TIAM1: variants seen among roughly 807,000 people sequenced by gnomAD.
The protein encoded by TIAM1 is TIAM Rac1 associated GEF 1, also known as rho guanine nucleotide exchange factor TIAM1.
In TIAM1, 65 loss-of-function variants were observed where a neutral mutation model predicts 163.5. That is an observed-to-expected ratio of 0.40 (90% CI 0.33 to 0.49). The LOEUF (loss-of-function observed/expected upper bound fraction) is 0.49. TIAM1 is among the 20% of genes least tolerant of loss of function. TIAM1 has a pLI of 0.77. For missense variants in TIAM1, 1,789 were observed against 2,044.7 expected (o/e 0.87, Z 2.41); for synonymous variants, 833 against 810.1 (o/e 1.03, Z -0.48).
At chr21:31,438,716 A>T (rs1448122819) in intron 2 of TIAM1, among the ~76,000 whole-genome samples, 1 of 152,172 alleles carries the variant, frequency 6.6e-6, no homozygotes, top group African/African-American at 2.4e-5. Context: ...AAAGGTCAAA[A>T]GTCTCTGTCT....
chr21:31,127,829 T>A (rs1309591818), intron 25 of TIAM1, among the ~76,000 whole-genome samples: 1 of 152,176 alleles, frequency 6.6e-6, no homozygotes, highest in African/African-American at 2.4e-5. Context: ...CCTATGCAGA[T>A]TTCATCCGGC....
chr21:31,127,696 G>A (rs151211616), intron 25 of TIAM1, among the ~76,000 whole-genome samples: 2 of 152,124 alleles, frequency 1.3e-5, no homozygotes, highest in Admixed American at 6.5e-5. Flanking sequence ...GATTACAAGC[G>A]TGAGCCACCG....
intron 2 of TIAM1, among the ~76,000 whole-genome samples, chr21:31,394,724 T>TCACACA (rs1275006631): frequency 7.8e-6 from 1 of 128,796 alleles, no homozygotes; most frequent in Non-Finnish European, 1.6e-5. Flanking sequence ...TCTCTCTCTC[T>TCACACA]CTCTCACACA....
intron 2 of TIAM1, among the ~76,000 whole-genome samples, chr21:31,350,552 C>T (rs1273244392): frequency 1.3e-5 from 2 of 152,108 alleles, no homozygotes; most frequent in African/African-American, 2.4e-5. Context: ...GTGCTGTTCT[C>T]GTGATAGTGA....
chr21:31,456,987 CT>C (rs1342670801), intron 2 of TIAM1, among the ~76,000 whole-genome samples: 2 of 152,214 alleles, frequency 1.3e-5, no homozygotes, highest in African/African-American at 4.8e-5. Context: ...CAGATTCCTT[CT>C]ATTTCTTTTC....
At chr21:31,326,943 G>A (rs1032394828) in intron 2 of TIAM1, among the ~76,000 whole-genome samples, 1 of 152,192 alleles carries the variant, frequency 6.6e-6, no homozygotes, top group African/African-American at 2.4e-5. Context: ...CAGGCTAACA[G>A]GGTCATATGC....
chr21:31,135,750 G>A (rs2082595988), intron 23 of TIAM1, among the ~76,000 whole-genome samples, 183 bp downstream of exon 23: 1 of 152,192 alleles, frequency 6.6e-6, no homozygotes, highest in African/African-American at 2.4e-5. Context: ...ACCACATAGG[G>A]CAATTTAACT....
chr21:31,220,813 C>T (rs375796655), intron 8 of TIAM1, among the ~76,000 whole-genome samples: 18 of 152,344 alleles, frequency 1.2e-4, no homozygotes, highest in African/African-American at 3.8e-4. Flanking sequence ...TTTGCCCAGA[C>T]AATGCCTCCC....
At chr21:31,275,445 C>T (rs2073255737) in intron 3 of TIAM1, among the ~76,000 whole-genome samples, 1 of 152,142 alleles carries the variant, frequency 6.6e-6, no homozygotes, top group African/African-American at 2.4e-5. Flanking sequence ...AACTCTAAAA[C>T]AGATGGCCTG....
At chr21:31,260,703 A>G (rs2072416466) in intron 4 of TIAM1, among the ~76,000 whole-genome samples, 1 of 151,498 alleles carries the variant, frequency 6.6e-6, no homozygotes, top group Non-Finnish European at 1.5e-5. Context: ...GAGAAAAGAA[A>G]AAAAAAAAAG....
chr21:31,252,019 C>T lies in TIAM1; in HGVS notation c.1134G>A (p.Ala378=), dbSNP rs374340137. Residue 378 remains alanine (A), a synonymous_variant, in exon 5 of 28, where the codon GCG becomes GCA. Coordinates refer to ENST00000541036, the MANE Select transcript of TIAM1 (RefSeq NM_001353694.2). ...SDSGSSSTGD[A]ARQGVYENFR... ...AGTTCTCGTACACCCCCTGACGAGC[C>T]GCATCCCCGGTGGAGCTGCTGCCGC... 9.3e-6 allele frequency: 15 copies of T among 1,613,938 alleles called. No individual in the cohort carries two copies. Among genetic ancestry groups the T allele is most frequent in the African/African-American group, 8.0e-5 (6 of 74,928 alleles).
At chr21:31,449,105 C>T (rs1383351053) in intron 2 of TIAM1, among the ~76,000 whole-genome samples, 4 of 152,032 alleles carry the variant, frequency 2.6e-5, no homozygotes, top group African/African-American at 4.8e-5. Context: ...GCTGGGACTA[C>T]AGGCACACAC....
chr21:31,292,371 C>CTTT (rs763364996), intron 2 of TIAM1, among the ~76,000 whole-genome samples: 1 of 138,824 alleles, frequency 7.2e-6, no homozygotes, highest in Admixed American at 7.3e-5. Context: ...TTTCAATTTC[C>CTTT]TTTTTTTTTT....
At chr21:31,277,980 T>A (rs2073376808) in intron 2 of TIAM1, among the ~76,000 whole-genome samples, 1 of 152,188 alleles carries the variant, frequency 6.6e-6, no homozygotes, top group African/African-American at 2.4e-5. Context: ...GACTAAGTTA[T>A]CTTATTATTT....
At position 31,119,661 on chromosome 21, in the gene TIAM1, A is replaced by C. The variant is rs1409209514; in HGVS notation, c.*707T>G. On this transcript the variant is annotated 3_prime_UTR_variant, in exon 28 of 28. Transcript: ENST00000541036. ...CTATTTGTGCCCCTGTATCTCAGGT[A>C]AAATACAAAAAATAGTGTTTCTTTT... 1 of 152,592 alleles carries C rather than the reference A, an allele frequency of 6.6e-6. No individual in the cohort carries two copies. The highest frequency in any genetic ancestry group is 1.5e-5 in the Non-Finnish European group (1 of 68,028). The allele number at this position is 152,592 out of a possible 1,614,324, so 9.5% of individuals were successfully genotyped here.
At chr21:31,393,985 A>T (rs1443428642) in intron 2 of TIAM1, among the ~76,000 whole-genome samples, 1 of 152,158 alleles carries the variant, frequency 6.6e-6, no homozygotes, top group East Asian at 1.9e-4. Context: ...AAACAAATAA[A>T]TTTCATTTAT....
chr21:31,469,278 G>A (rs111275217), intron 1 of TIAM1, among the ~76,000 whole-genome samples: 112 of 151,446 alleles, frequency 7.4e-4, no homozygotes, highest in African/African-American at 2.5e-3. Context: ...CAGCAGGGGG[G>A]TTGGTAGAGA....
In TIAM1 at chr21:31,231,818, C is replaced by A. The variant is rs114383254; in HGVS notation, c.1585-5868G>T. 7.4e-3 allele frequency among the ~76,000 whole-genome samples: 1,121 copies of A among 152,186 alleles called. 22 individuals are homozygous for A. The highest frequency in any genetic ancestry group is 0.025 in the African/African-American group (1,050 of 41,498). ...ATCACTTCAGGCCAGGAGTTCGAGA[C>A]CAGCCTGAGCATGGTGAAACCCCGT... On this transcript the variant is annotated intron_variant, in intron 6 of 27. Coordinates refer to ENST00000541036, the MANE Select transcript of TIAM1 (RefSeq NM_001353694.2).
chr21:31,144,556 G>A (rs1568911380), intron 20 of TIAM1, among the ~76,000 whole-genome samples: 1 of 152,010 alleles, frequency 6.6e-6, no homozygotes, highest in Admixed American at 6.6e-5. Context: ...AGCTGGGCAT[G>A]GTGGATCACA....
Sources: allele counts gnomAD v4.1 joint callset (sites outside exome capture counted in the v4.1 genomes callset), GRCh38; gene constraint gnomAD v4.1.1; transcripts MANE v1.5; gene names NCBI Gene and HGNC (gene_info 2026-07-23, HGNC 2026-07-21).